CALM3: variants seen among roughly 807,000 people sequenced by gnomAD.
CALM3 encodes the protein calmodulin 3.
CALM3 carries 5 observed loss-of-function variants against 20.1 expected under a neutral mutation model. That is an observed-to-expected ratio of 0.25 (90% CI 0.13 to 0.52). CALM3 has a LOEUF of 0.52. Among genes scored for constraint, CALM3 ranks in the 20% least tolerant of loss-of-function variants. The pLI, the probability that CALM3 is intolerant of heterozygous loss-of-function variation, is 0.96. For synonymous variants in CALM3, 69 were observed against 68.1 expected (o/e 1.01, Z -0.06); for missense variants, 57 against 192.8 (o/e 0.30, Z 4.17).
intron 1 of CALM3, chr19:46,602,213 G>A (rs1349843332): frequency 2.2e-6 from 3 of 1,354,728 alleles, no homozygotes; most frequent in Admixed American, 2.0e-5. Flanking sequence ...AAGGGATGGT[G>A]AGAGTGGGGC....
At position 46,608,633 on chromosome 19, in the gene CALM3, T is replaced by TCAG; in HGVS notation, c.285+45_285+46insCAG. ...GGCGGCTCTGAGACTGACGCCAGCC[T>TCAG]TCAGGCAGACAGGCGGAACTGGAGC... is the stretch of plus-strand genomic sequence containing the variant. On this transcript the variant is annotated intron_variant, in intron 4 of 5. Transcript: ENST00000291295. The surrounding 1 kb of genome is among the most constrained non-coding windows in gnomAD (Gnocchi z 5.5). 2 of 1,512,072 alleles carry TCAG rather than the reference T, an allele frequency of 1.3e-6. No individual in the cohort carries two copies. Among genetic ancestry groups the TCAG allele is most frequent in the Non-Finnish European group, 1.8e-6 (2 of 1,089,274 alleles). The allele number at this position is 1,512,072 out of a possible 1,614,324, so 93.7% of individuals were successfully genotyped here. A position where few individuals can be genotyped will look rare whatever the true frequency, so the allele number is the denominator to read the frequency against.
chr19:46,601,541 C>G lies in CALM3; in HGVS notation c.3+104C>G, dbSNP rs1971616667. The G allele has an allele frequency of 8.9e-7, 1 of 1,119,338 alleles. No individual in the cohort carries two copies. The highest frequency in any genetic ancestry group is 1.6e-5 in the African/African-American group (1 of 61,038). 69.3% of individuals were successfully genotyped at this position (1,119,338 alleles called of 1,614,324 possible). ...GAGCCCAGAGTGGGGGGCGTCCGGG[C>G]CCGGCGAGAGCCTCGGGACCCTTTT... On this transcript the variant is annotated intron_variant, in intron 1 of 5. Transcript: ENST00000291295. The surrounding 1 kb of genome is among the most constrained non-coding windows in gnomAD (Gnocchi z 4.2).
intron 1 of CALM3, among the ~76,000 whole-genome samples, chr19:46,603,285 C>T (rs1971673212): frequency 6.6e-6 from 1 of 152,246 alleles, no homozygotes; most frequent in African/African-American, 2.4e-5. Context: ...CACTAGCAGG[C>T]CCCCTACCTC....
upstream of CALM3, chr19:46,601,158 G>A (rs1234609901): frequency 3.4e-6 from 2 of 587,252 alleles, no homozygotes; most frequent in African/African-American, 1.9e-5. This position sits in a 1 kb window ranked among gnomAD's most constrained non-coding sequence, Gnocchi z 4.2. Flanking sequence ...GTGGGGACGA[G>A]AGATTCGCGG....
At position 46,608,765 on chromosome 19, in the gene CALM3, G is replaced by A; in HGVS notation, c.286-81G>A. The A allele has an allele frequency of 1.4e-6, 2 of 1,449,490 alleles. No individual in the cohort carries two copies. Among genetic ancestry groups the A allele is most frequent in the Non-Finnish European group, 1.9e-6 (2 of 1,076,340 alleles). The allele number at this position is 1,449,490 out of a possible 1,614,324, so 89.8% of individuals were successfully genotyped here. A position where few individuals can be genotyped will look rare whatever the true frequency, so the allele number is the denominator to read the frequency against. On this transcript the variant is annotated intron_variant, in intron 4 of 5. Transcript: ENST00000291295. The surrounding 1 kb of genome is among the most constrained non-coding windows in gnomAD (Gnocchi z 5.5). Reference sequence around the variant, plus strand: ...CTCACTGTGCTCACTGCTGAGGGATGGTGATGACAGCCACCCCTCTCACTG... The same window carrying A: ...CTCACTGTGCTCACTGCTGAGGGATAGTGATGACAGCCACCCCTCTCACTG...
chr19:46,601,537 C>A lies in CALM3; in HGVS notation c.3+100C>A. The stretch of plus-strand genomic sequence containing the variant: ...GACAGAGCCCAGAGTGGGGGGCGTC[C>A]GGGCCCGGCGAGAGCCTCGGGACCC... On this transcript the variant is annotated intron_variant, in intron 1 of 5. Coordinates refer to ENST00000291295, the MANE Select transcript of CALM3 (RefSeq NM_005184.4). This position sits in a 1 kb window ranked among gnomAD's most constrained non-coding sequence, Gnocchi z 4.2. The A allele has an allele frequency of 8.7e-7, 1 of 1,152,744 alleles. No individual in the cohort carries two copies. Among genetic ancestry groups the A allele is most frequent in the Admixed American group, 3.8e-5 (1 of 26,064 alleles). 71.4% of individuals were successfully genotyped at this position (1,152,744 alleles called of 1,614,324 possible).
At chr19:46,604,547 G>T (rs1165815273) in intron 1 of CALM3, among the ~76,000 whole-genome samples, 5 of 133,842 alleles carry the variant, frequency 3.7e-5, no homozygotes, top group Admixed American at 1.5e-4. Context: ...CTTCCGTTAG[G>T]TTTTTTTTTT....
intron 2 of CALM3, among the ~76,000 whole-genome samples, chr19:46,607,724 C>T (rs188846192): frequency 6.6e-6 from 1 of 152,372 alleles, no homozygotes; most frequent in Non-Finnish European, 1.5e-5. Flanking sequence ...TGGATGCCTG[C>T]ATTTCCTCTT....
chr19:46,603,172 C>T (rs1971670729), intron 1 of CALM3, among the ~76,000 whole-genome samples: 1 of 152,256 alleles, frequency 6.6e-6, no homozygotes, highest in South Asian at 2.1e-4. Flanking sequence ...CAGGCAGCCG[C>T]TGCTGTGTAT....
intron 2 of CALM3, among the ~76,000 whole-genome samples, chr19:46,607,102 G>C (rs1285399858): frequency 6.6e-6 from 1 of 152,146 alleles, no homozygotes; most frequent in African/African-American, 2.4e-5. Flanking sequence ...CTGGTTTAGT[G>C]ATCATGAGCT....
In CALM3 at chr19:46,608,454, C is replaced by T; in HGVS notation, c.179-28C>T. ...TGTCTCTCAGGGCCCAGGCCAAGAGCATTCTCCATCCTTTCCCCACCTTCC... is the reference window on the plus strand; with the variant it reads ...TGTCTCTCAGGGCCCAGGCCAAGAGTATTCTCCATCCTTTCCCCACCTTCC... On this transcript the variant is annotated intron_variant, in intron 3 of 5. Coordinates refer to ENST00000291295, the MANE Select transcript of CALM3 (RefSeq NM_005184.4). The surrounding 1 kb of genome is among the most constrained non-coding windows in gnomAD (Gnocchi z 5.5). 6.2e-7 allele frequency: 1 copy of T among 1,609,536 alleles called. No homozygotes were observed. The highest frequency in any genetic ancestry group is 1.1e-5 in the South Asian group (1 of 90,972).
chr19:46,607,496 G>C (rs982253763), intron 2 of CALM3, among the ~76,000 whole-genome samples: 1 of 152,158 alleles, frequency 6.6e-6, no homozygotes, highest in Non-Finnish European at 1.5e-5. Flanking sequence ...CCCCTGATGC[G>C]GCCCCAGCTG....
intron 1 of CALM3, chr19:46,602,542 T>G (rs1568662430): frequency 3.9e-6 from 1 of 255,822 alleles, no homozygotes; most frequent in Non-Finnish European, 7.8e-6. Flanking sequence ...TCAGTGTGGA[T>G]GGGGAGTGGG....
At position 46,605,960 on chromosome 19, in the gene CALM3, C is replaced by A; in HGVS notation, c.34+103C>A. The A allele has an allele frequency of 2.0e-6, 2 of 977,894 alleles. No individual in the cohort carries two copies. Among genetic ancestry groups the A allele is most frequent in the Non-Finnish European group, 3.3e-6 (2 of 610,084 alleles). 60.6% of individuals were successfully genotyped at this position (977,894 alleles called of 1,614,324 possible). On this transcript the variant is annotated intron_variant, in intron 2 of 5. Transcript: ENST00000291295. This position sits in a 1 kb window ranked among gnomAD's most constrained non-coding sequence, Gnocchi z 4.1. ...CATCTGATGGGTGAACCTGTGTATC[C>A]CTTGTGTCACCTAACACTATGCCTT...
In CALM3 at chr19:46,602,105, T is replaced by C. The variant is rs1027673474; in HGVS notation, c.3+668T>C. 1.1e-5 allele frequency: 15 copies of C among 1,312,264 alleles called. No individual in the cohort carries two copies. In the African/African-American group the frequency reaches 2.1e-4, roughly 19 times the overall value. 81.3% of individuals were successfully genotyped at this position (1,312,264 alleles called of 1,614,324 possible). On this transcript the variant is annotated intron_variant, in intron 1 of 5. Coordinates refer to ENST00000291295, the MANE Select transcript of CALM3 (RefSeq NM_005184.4). The stretch of plus-strand genomic sequence containing the variant: ...GGAGGAGGAGGGTGAGGTGCAAGCT[T>C]ATGGGAGGAAGAGCCTGGGGTGGGT...
chr19:46,609,105 C>CT lies in CALM3; in HGVS notation c.422-19dup, dbSNP rs1216475598. The CT allele has an allele frequency of 6.2e-7, 1 of 1,613,946 alleles. No individual in the cohort carries two copies. The highest frequency in any genetic ancestry group is 2.2e-5 in the East Asian group (1 of 44,874). ...TTAGCCTGCCCGCCTGACCTCCTCT[C>CT]TCTCTGCTTCACTCCACAGAGTTTG... On this transcript the variant is annotated intron_variant, in intron 5 of 5. Transcript: ENST00000291295.
intron 2 of CALM3, among the ~76,000 whole-genome samples, chr19:46,607,581 A>C: frequency 6.6e-6 from 1 of 151,264 alleles, no homozygotes; most frequent in African/African-American, 2.4e-5. Flanking sequence ...CCATCCCCCC[A>C]TCAACCCCAC....
chr19:46,602,244 G>A (rs1165463854), intron 1 of CALM3: 4 of 1,335,760 alleles, frequency 3.0e-6, no homozygotes, highest in Non-Finnish European at 4.0e-6. Context: ...TCGGGGGACA[G>A]GGACCCTTGG....
chr19:46,608,547 A>G lies in CALM3; in HGVS notation c.244A>G (p.Ser82Gly). ...MMARKMKDTDSEEEIREAFRV... is the reference protein window; with the variant it reads ...MMARKMKDTDGEEEIREAFRV... ...GGCCAGAAAGATGAAGGACACAGAC[A>G]GTGAGGAGGAGATCCGAGAGGCGTT... The change falls in exon 4 of 6, where the codon AGT becomes GGT. Residue 82 changes from serine to glycine, a missense_variant. Ser to Gly is a moderately conservative substitution (Grantham distance 56, BLOSUM62 0). Coordinates refer to ENST00000291295, the MANE Select transcript of CALM3 (RefSeq NM_005184.4). The surrounding 1 kb of genome is among the most constrained non-coding windows in gnomAD (Gnocchi z 5.5). 6.2e-7 allele frequency: 1 copy of G among 1,614,188 alleles called. No individual in the cohort carries two copies. The highest frequency in any genetic ancestry group is 8.5e-7 in the Non-Finnish European group (1 of 1,179,998).
Sources: gnomAD v4.1 joint callset for allele counts (sites outside exome capture counted in the v4.1 genomes callset) on GRCh38, gnomAD v4.1.1 for gene constraint, Gnocchi (gnomAD v3.1) non-coding constraint, MANE v1.5 for transcripts, NCBI Gene and HGNC (gene_info 2026-07-23, HGNC 2026-07-21) for gene names.